The following DPP6 variants were observed in gnomAD, a reference collection of about 807,000 sequenced individuals.
The protein encoded by DPP6 is A-type potassium channel modulatory protein DPP6.
A neutral mutation model predicts 122.6 loss-of-function variants in DPP6; 69 were observed. The observed-to-expected ratio is 0.56, with a 90% CI of 0.46 to 0.69. DPP6 has a LOEUF of 0.69. Ranked by LOEUF, DPP6 falls within the 30% of genes least tolerant of loss-of-function variation. The probability of loss-of-function intolerance (pLI) is 0.00; values close to 1 mark genes in which losing one functional copy is unlikely to be tolerated. For synonymous variants in DPP6, 418 were observed against 433.1 expected (o/e 0.97, Z 0.43); for missense variants, 928 against 1,116.9 (o/e 0.83, Z 2.41).
At chr7:154,387,220 A>G (rs1814195744) in intron 1 of DPP6, among the ~76,000 whole-genome samples, 1 of 152,174 alleles carries the variant, frequency 6.6e-6, no homozygotes, top group Admixed American at 6.5e-5. Context: ...GAAGGAGGCT[A>G]CCATTCATTC....
intron 1 of DPP6, among the ~76,000 whole-genome samples, chr7:153,894,707 A>G (rs771955850): frequency 6.6e-6 from 1 of 152,252 alleles, no homozygotes; most frequent in Middle Eastern, 3.4e-3. Context: ...CCCCTGGCCT[A>G]GAGATACCCA....
Position 154,241,715 on chromosome 7 carries a change from C to T in DPP6, c.243+188652C>T, listed in dbSNP as rs118149154. ...GCACTTATCACATCTTGAAATTTCCCGAAGCTAACACGTGTCTAACCTGTT... is the reference window on the plus strand; with the variant it reads ...GCACTTATCACATCTTGAAATTTCCTGAAGCTAACACGTGTCTAACCTGTT... On this transcript the variant is annotated intron_variant, in intron 1 of 25. Transcript: ENST00000377770. The surrounding 1 kb of genome is among the most constrained non-coding windows in gnomAD (Gnocchi z 9.0). Among the ~76,000 whole-genome samples, 1,370 of 152,184 alleles carry T rather than the reference C, an allele frequency of 9.0e-3. 14 individuals are homozygous for T. The highest frequency in any genetic ancestry group is 0.041 in the East Asian group (214 of 5,180).
intron 1 of DPP6, among the ~76,000 whole-genome samples, chr7:154,105,663 C>T (rs1806104896): frequency 1.3e-5 from 2 of 152,226 alleles, no homozygotes; most frequent in South Asian, 4.2e-4. Context: ...CTGTGCTGTT[C>T]TCATGAGAAT....
In DPP6 at chr7:154,060,600, T is replaced by C. The variant is rs1350067604; in HGVS notation, c.243+7537T>C. 4.5e-3 allele frequency among the ~76,000 whole-genome samples: 485 copies of C among 108,962 alleles called. 3 individuals are homozygous for C. Among genetic ancestry groups the C allele is most frequent in the East Asian group, 1.0e-2 (30 of 3,006 alleles). 71.5% of individuals were successfully genotyped at this position (108,962 alleles called of 152,430 possible). On this transcript the variant is annotated intron_variant, in intron 1 of 25. Transcript: ENST00000377770. ...CGTGGGATTACTGAGAGCCAGTCCC[T>C]CTTCCCCCCCCTGGCTCTGAGGACC...
intron 16 of DPP6, among the ~76,000 whole-genome samples, chr7:154,815,631 C>CTG (rs1377559843): frequency 7.2e-5 from 11 of 152,308 alleles, no homozygotes; most frequent in African/African-American, 2.6e-4. Context: ...GTGCTTCCTA[C>CTG]TGAAACATTT....
chr7:153,988,203 C>T (rs1796944233), intron 1 of DPP6, among the ~76,000 whole-genome samples: 1 of 152,122 alleles, frequency 6.6e-6, no homozygotes, highest in African/African-American at 2.4e-5. Flanking sequence ...ATGCATCAAA[C>T]TGAGGGTGAC....
rs1422848221 is a variant in DPP6 at position 154,403,886 on chromosome 7, A to G, written c.244-42328A>G. 6.6e-6 allele frequency among the ~76,000 whole-genome samples: 1 copy of G among 152,180 alleles called. No homozygotes were observed. Among genetic ancestry groups the G allele is most frequent in the East Asian group, 1.9e-4 (1 of 5,194 alleles). On this transcript the variant is annotated intron_variant, in intron 1 of 25. Coordinates refer to ENST00000377770, the MANE Select transcript of DPP6 (RefSeq NM_130797.4). This position sits in a 1 kb window ranked among gnomAD's most constrained non-coding sequence, Gnocchi z 4.1. ...TTGGAAGCATTTCATTTCCTTTTCT[A>G]GAAAATTTGGAGCTGAAGTGCTCGG... is the stretch of plus-strand genomic sequence containing the variant.
intron 1 of DPP6, among the ~76,000 whole-genome samples, chr7:154,362,063 A>C (rs1811773117): frequency 6.6e-6 from 1 of 152,242 alleles, no homozygotes; most frequent in Non-Finnish European, 1.5e-5. Flanking sequence ...CCTGTGACCA[A>C]CATTGTTGAG....
At chr7:154,134,247 T>A (rs1425984706) in intron 1 of DPP6, among the ~76,000 whole-genome samples, 1 of 152,180 alleles carries the variant, frequency 6.6e-6, no homozygotes, top group Admixed American at 6.5e-5. Context: ...GACTCATCTT[T>A]CCAGCACAAA....
intron 5 of DPP6, among the ~76,000 whole-genome samples, chr7:154,633,945 C>A (rs1462325593): frequency 2.0e-5 from 3 of 152,006 alleles, no homozygotes; most frequent in Non-Finnish European, 4.4e-5. Flanking sequence ...TTGGCAGACC[C>A]AGCTTCTCAG....
At chr7:154,663,785 C>T (rs1269563300) in intron 6 of DPP6, among the ~76,000 whole-genome samples, 101 of 71,422 alleles carry the variant, frequency 1.4e-3, no homozygotes, top group Admixed American at 1.5e-3. Flanking sequence ...CATGGCGTAT[C>T]GGCCATAGTG....
the DPP6 span, among the ~76,000 whole-genome samples, chr7:153,750,260 A>C: frequency 6.6e-6 from 1 of 152,180 alleles, no homozygotes. Flanking sequence ...TGAATCAGCA[A>C]GTCATTTCTC....
intron 1 of DPP6, among the ~76,000 whole-genome samples, chr7:154,219,847 A>G (rs11773587): frequency 0.67 from 101,865 of 152,084 alleles, 36,905 homozygotes; most frequent in Non-Finnish European, 0.81. Context: ...TCGGCCTCCC[A>G]AAGTGCTGGG....
chr7:154,573,344 C>T lies in DPP6; in HGVS notation c.627+6428C>T, dbSNP rs182283581. On this transcript the variant is annotated intron_variant, in intron 5 of 25. Transcript: ENST00000377770. ...GGGCCTGCGTGTGCCATTTCTACCACACCTGCCGCCCTTTCTGCATCAGCC... is the reference window on the plus strand; with the variant it reads ...GGGCCTGCGTGTGCCATTTCTACCATACCTGCCGCCCTTTCTGCATCAGCC... Among the ~76,000 whole-genome samples the T allele has an allele frequency of 1.6e-3, 245 of 152,308 alleles. 2 individuals carry two copies. The highest frequency in any genetic ancestry group is 5.6e-3 in the African/African-American group (234 of 41,588).
intron 19 of DPP6, among the ~76,000 whole-genome samples, chr7:154,873,537 G>C (rs1036385779): frequency 2.6e-5 from 4 of 152,202 alleles, no homozygotes; most frequent in African/African-American, 9.6e-5. Flanking sequence ...GCACCTGATG[G>C]AGCTCTGATT....
chr7:154,021,906 C>T (rs1164949320), intron 1 of DPP6, among the ~76,000 whole-genome samples: 1 of 152,178 alleles, frequency 6.6e-6, no homozygotes, highest in Non-Finnish European at 1.5e-5. Context: ...TAGAAACACC[C>T]TCATGGACAC....
chr7:153,798,253 A>G, the DPP6 span, among the ~76,000 whole-genome samples: 1 of 152,224 alleles, frequency 6.6e-6, no homozygotes, highest in Non-Finnish European at 1.5e-5. Flanking sequence ...ATTGAAGGTT[A>G]GGGATTCAAT....
At chr7:154,085,934 G>GTGAACCATGCCACCATGCCAA (rs1804382096) in intron 1 of DPP6, among the ~76,000 whole-genome samples, 2 of 151,988 alleles carry the variant, frequency 1.3e-5, no homozygotes, top group Admixed American at 6.6e-5. Flanking sequence ...CACCATGTTG[G>GTGAACCATGCCACCATGCCAA]CCAGGCTCGT....
At chr7:153,928,683 A>C (rs1433734645) in intron 1 of DPP6, among the ~76,000 whole-genome samples, 1 of 152,044 alleles carries the variant, frequency 6.6e-6, no homozygotes, top group African/African-American at 2.4e-5. Flanking sequence ...ATCATCCTGG[A>C]AGGCCCCACC....
Sources: gnomAD v4.1 joint callset for allele counts (sites outside exome capture counted in the v4.1 genomes callset) on GRCh38, gnomAD v4.1.1 for gene constraint, Gnocchi (gnomAD v3.1) non-coding constraint, MANE v1.5 for transcripts, NCBI Gene and HGNC (gene_info 2026-07-23, HGNC 2026-07-21) for gene names.